The following SLC24A2 variants were observed in gnomAD, a reference collection of about 807,000 sequenced individuals.
SLC24A2 encodes the protein sodium/potassium/calcium exchanger 2.
In SLC24A2, 36 loss-of-function variants were observed where a neutral mutation model predicts 62.0. That is an observed-to-expected ratio of 0.58 (90% CI 0.44 to 0.77). SLC24A2 has a LOEUF of 0.77. Among genes scored for constraint, SLC24A2 ranks in the 30% least tolerant of loss-of-function variants. The probability of loss-of-function intolerance (pLI) is 0.00; values close to 1 mark genes in which losing one functional copy is unlikely to be tolerated. For synonymous variants in SLC24A2, 358 were observed against 294.0 expected, an observed-to-expected ratio of 1.22 and a Z score of -2.23; for missense variants, 846 against 817.9, an observed-to-expected ratio of 1.03 and a Z score of -0.42.
At chr9:20,215,621 C>T in the SLC24A2 span, among the ~76,000 whole-genome samples, 8 of 152,170 alleles carry the variant, frequency 5.3e-5, no homozygotes, top group Non-Finnish European at 7.3e-5. Flanking sequence ...CCAATGTTAT[C>T]GCCTTTGCCA....
the SLC24A2 span, among the ~76,000 whole-genome samples, chr9:20,248,837 G>A: frequency 6.6e-6 from 1 of 152,170 alleles, no homozygotes; most frequent in Non-Finnish European, 1.5e-5. Context: ...GCACCCACAT[G>A]GCAGACCTCC....
chr9:19,604,549 A>C (rs1303454922), intron 4 of SLC24A2, among the ~76,000 whole-genome samples: 1 of 152,198 alleles, frequency 6.6e-6, no homozygotes, highest in Non-Finnish European at 1.5e-5. Context: ...GGGTCAGCAA[A>C]GCCGAGTTTC....
intron 2 of SLC24A2, among the ~76,000 whole-genome samples, chr9:19,649,590 T>G (rs1818741616): frequency 6.6e-6 from 1 of 152,030 alleles, no homozygotes; most frequent in African/African-American, 2.4e-5. Flanking sequence ...TTGGAGAGAG[T>G]ACAACTGGAT....
At chr9:20,191,927 C>G in the SLC24A2 span, among the ~76,000 whole-genome samples, 1 of 152,078 alleles carries the variant, frequency 6.6e-6, no homozygotes, top group Non-Finnish European at 1.5e-5. Flanking sequence ...AGGATCCTGG[C>G]ATTGACCCAT....
chr9:19,533,435 G>C (rs1377418720), intron 8 of SLC24A2, among the ~76,000 whole-genome samples: 1 of 152,174 alleles, frequency 6.6e-6, no homozygotes, highest in Non-Finnish European at 1.5e-5. Context: ...TCCACTCTTC[G>C]AATCTGGGCT....
the SLC24A2 span, among the ~76,000 whole-genome samples, chr9:19,906,686 A>C: frequency 3.9e-5 from 6 of 152,198 alleles, no homozygotes; most frequent in South Asian, 8.3e-4. Context: ...ACCATCAGAG[A>C]ATACTATAAA....
chr9:19,875,356 A>C, the SLC24A2 span, among the ~76,000 whole-genome samples: 6 of 152,318 alleles, frequency 3.9e-5, no homozygotes, highest in East Asian at 1.2e-3. Flanking sequence ...ACTCTGACGA[A>C]ATTGAGGACT....
At chr9:19,879,373 G>A in the SLC24A2 span, among the ~76,000 whole-genome samples, 1 of 152,130 alleles carries the variant, frequency 6.6e-6, no homozygotes, top group African/African-American at 2.4e-5. Flanking sequence ...GGTAGGTTGG[G>A]ATTGCTGTGG....
At chr9:19,708,932 T>C (rs1407164638) in intron 2 of SLC24A2, among the ~76,000 whole-genome samples, 2 of 152,114 alleles carry the variant, frequency 1.3e-5, no homozygotes, top group African/African-American at 4.8e-5. Context: ...AAAGAGCTTC[T>C]GCACAGCAAA....
chr9:20,272,495 G>T, the SLC24A2 span, among the ~76,000 whole-genome samples: 4 of 152,150 alleles, frequency 2.6e-5, no homozygotes, highest in Non-Finnish European at 5.9e-5. Flanking sequence ...CACCCTGAAG[G>T]TTGGAAGATT....
At chr9:19,531,692 A>ACCCCCCCCCCCCCCCC (rs141054914) in intron 8 of SLC24A2, among the ~76,000 whole-genome samples, 2 of 121,186 alleles carry the variant, frequency 1.7e-5, no homozygotes, top group South Asian at 7.1e-4. Flanking sequence ...TTTAACAAAG[A>ACCCCCCCCCCCCCCCC]CCCCCCCCCA....
At chr9:20,018,216 G>A in the SLC24A2 span, among the ~76,000 whole-genome samples, 1 of 152,146 alleles carries the variant, frequency 6.6e-6, no homozygotes, top group Non-Finnish European at 1.5e-5. Context: ...TAAAGTGCTG[G>A]GATTACAGGC....
the SLC24A2 span, among the ~76,000 whole-genome samples, chr9:20,174,908 T>G: frequency 2.6e-5 from 4 of 151,900 alleles, no homozygotes; most frequent in Non-Finnish European, 5.9e-5. Context: ...CACACATGCT[T>G]ATAGCAGCAC....
At chr9:20,039,855 G>C in the SLC24A2 span, among the ~76,000 whole-genome samples, 94 of 152,294 alleles carry the variant, frequency 6.2e-4, no homozygotes, top group East Asian at 2.3e-3. Flanking sequence ...TGAGGATGCT[G>C]AGAAAGTTCT....
the SLC24A2 span, among the ~76,000 whole-genome samples, chr9:19,940,192 C>G: frequency 6.6e-6 from 1 of 152,184 alleles, no homozygotes; most frequent in Non-Finnish European, 1.5e-5. Flanking sequence ...ACTCCCAGCT[C>G]CTGTCTGAAC....
At position 19,513,512 on chromosome 9, in the gene SLC24A2, C is replaced by T. The variant is rs1832810617; in HGVS notation, c.*2641G>A. On this transcript the variant is annotated 3_prime_UTR_variant, in exon 11 of 11. Transcript: ENST00000341998. ...ACGGGGCTTGGAAATTTTGTCTTCT[C>T]AAATGCAACTTCACATGAAAGACCA... is the stretch of plus-strand genomic sequence containing the variant. 6.6e-6 allele frequency: 1 copy of T among 152,050 alleles called. No individual in the cohort carries two copies. The highest frequency in any genetic ancestry group is 1.5e-5 in the Non-Finnish European group (1 of 68,060). The allele number at this position is 152,050 out of a possible 1,614,324, so 9.4% of individuals were successfully genotyped here. A position where few individuals can be genotyped will look rare whatever the true frequency, so the allele number is the denominator to read the frequency against.
At chr9:19,677,484 A>G (rs1322109690) in intron 2 of SLC24A2, among the ~76,000 whole-genome samples, 1 of 152,202 alleles carries the variant, frequency 6.6e-6, no homozygotes, top group Non-Finnish European at 1.5e-5. Flanking sequence ...AATAGGTACC[A>G]GGTTTAATAC....
the SLC24A2 span, among the ~76,000 whole-genome samples, chr9:20,255,984 G>A: frequency 2.0e-5 from 3 of 152,206 alleles, no homozygotes; most frequent in Non-Finnish European, 4.4e-5. Flanking sequence ...GAAAACCCAA[G>A]ATCAAGGGTC....
the SLC24A2 span, among the ~76,000 whole-genome samples, chr9:20,237,088 C>T: frequency 6.6e-6 from 1 of 152,112 alleles, no homozygotes; most frequent in South Asian, 2.1e-4. Context: ...AATCTGGGGG[C>T]TCAGGGCAAG....
Sources: gnomAD v4.1 joint callset for allele counts (sites outside exome capture counted in the v4.1 genomes callset) on GRCh38, gnomAD v4.1.1 for gene constraint, MANE v1.5 for transcripts, NCBI Gene and HGNC (gene_info 2026-07-23, HGNC 2026-07-21) for gene names.